Variants in DLC1 observed in about 807,000 individuals in gnomAD.
DLC1 encodes rho GTPase-activating protein 7.
In DLC1, 54 loss-of-function variants were observed where a neutral mutation model predicts 140.3. That is an observed-to-expected ratio of 0.38 (90% CI 0.31 to 0.48). The LOEUF (loss-of-function observed/expected upper bound fraction) is 0.48. Ranked by LOEUF, DLC1 falls within the 20% of genes least tolerant of loss-of-function variation. The probability of loss-of-function intolerance (pLI) is 0.96; values close to 1 mark genes in which losing one functional copy is unlikely to be tolerated. For missense variants in DLC1, 2,536 were observed against 1,907.0 expected, an observed-to-expected ratio of 1.33 and a Z score of -6.14; for synonymous variants, 986 against 728.1, an observed-to-expected ratio of 1.35 and a Z score of -5.70.
At chr8:13,225,259 A>C (rs1436679402) in intron 5 of DLC1, among the ~76,000 whole-genome samples, 2 of 152,216 alleles carry the variant, frequency 1.3e-5, no homozygotes, top group Non-Finnish European at 2.9e-5. Context: ...AAGTGGCCCC[A>C]AAACACTTTC....
intron 4 of DLC1, among the ~76,000 whole-genome samples, chr8:13,313,287 G>A (rs1429733666): frequency 6.6e-6 from 1 of 152,162 alleles, no homozygotes; most frequent in African/African-American, 2.4e-5. Context: ...TACCTACACA[G>A]TCTTTTGCTA....
At chr8:13,242,613 G>C (rs1350249602) in intron 5 of DLC1, among the ~76,000 whole-genome samples, 1 of 151,982 alleles carries the variant, frequency 6.6e-6, no homozygotes, top group Non-Finnish European at 1.5e-5. Flanking sequence ...GGCTGATCTT[G>C]AACTCCTGGG....
rs113503233 is a variant in DLC1 at position 13,393,762 on chromosome 8, C to T, written c.1174-69G>A. The T allele has an allele frequency of 6.7e-4, 1,038 of 1,541,778 alleles. 4 individuals carry two copies. The highest frequency in any genetic ancestry group is 6.9e-4 in the Middle Eastern group (3 of 4,320). On this transcript the variant is annotated intron_variant, in intron 3 of 17. Coordinates refer to ENST00000276297, the MANE Select transcript of DLC1 (RefSeq NM_182643.3). ...TCCCAAATGCCCTTCTTCCTACCAC[C>T]AGAACTTTGTCACTTCTTCTTTCTC...
chr8:13,524,709 G>GTT lies in DLC1; in HGVS notation c.-125-24515_-125-24514dup, dbSNP rs76587130. Among the ~76,000 whole-genome samples the GTT allele has an allele frequency of 4.1e-5, 6 of 147,414 alleles. No individual in the cohort carries two copies. The East Asian group carries it at 1.2e-3, about 29-fold the overall frequency. ...TTTTCAGGTAGTATATTTCTGTTGT[G>GTT]TTTTTTTTTTCATCTCTGAGCTCTT... is the stretch of plus-strand genomic sequence containing the variant. On this transcript the variant is annotated intron_variant, in intron 1 of 1. Transcript: ENST00000631382.
rs181670046 is a variant in DLC1 at position 13,448,818 on chromosome 8, C to A, written c.1024-47199G>T. Among the ~76,000 whole-genome samples the A allele has an allele frequency of 4.2e-4, 64 of 151,940 alleles. 1 individual carries two copies. Among genetic ancestry groups the A allele is most frequent in the Non-Finnish European group, 8.4e-4 (57 of 67,934 alleles). ...CACAGATTAGGTCATTTCTAATATA[C>A]GGCCACAAATGTGTTATACACTAGC... On this transcript the variant is annotated intron_variant, in intron 2 of 17. Transcript: ENST00000276297.
chr8:13,393,519 A>G (rs189873782), intron 4 of DLC1, 34 bp downstream of exon 4: 18 of 1,593,178 alleles, frequency 1.1e-5, no homozygotes, highest in Middle Eastern at 1.7e-4. Context: ...CAACATTTAC[A>G]CGTAGAGACT....
At chr8:13,110,603 G>A (rs183464869) in intron 7 of DLC1, 139 bp downstream of exon 7, 2 of 746,530 alleles carry the variant, frequency 2.7e-6, no homozygotes, top group African/African-American at 1.8e-5. Context: ...TTAATTAAAA[G>A]GTCTATGATC....
At chr8:13,574,994 G>A (rs920517310) in intron 1 of DLC1, among the ~76,000 whole-genome samples, 3 of 152,192 alleles carry the variant, frequency 2.0e-5, no homozygotes, top group African/African-American at 7.2e-5. Flanking sequence ...TTGCCTAAAA[G>A]TGACAGATGA....
intron 4 of DLC1, chr8:13,353,319 A>G (rs1277074091): frequency 6.6e-6 from 1 of 152,180 alleles, no homozygotes; most frequent in Non-Finnish European, 1.5e-5. Context: ...CCTCTGAGTC[A>G]GAAGGAGAAA....
At chr8:13,446,591 C>A (rs2116947122) in intron 2 of DLC1, among the ~76,000 whole-genome samples, 2 of 149,462 alleles carry the variant, frequency 1.3e-5, no homozygotes, top group Non-Finnish European at 1.5e-5. Context: ...GAGAAAGAAA[C>A]AAGGAAGGAA....
intron 2 of DLC1, among the ~76,000 whole-genome samples, chr8:13,445,449 G>A (rs1240312808): frequency 6.6e-6 from 1 of 152,144 alleles, no homozygotes; most frequent in Non-Finnish European, 1.5e-5. Context: ...GTCAGAGAAT[G>A]GAACAACAGC....
intron 2 of DLC1, among the ~76,000 whole-genome samples, chr8:13,432,463 G>A (rs188285814): frequency 3.9e-5 from 6 of 152,162 alleles, no homozygotes; most frequent in Admixed American, 1.3e-4. Flanking sequence ...TATTTTAATC[G>A]TACAATATTA....
chr8:13,110,866 C>T (rs1036322365), intron 6 of DLC1, 43 bp from the exon 7 acceptor site: 1 of 1,589,426 alleles, frequency 6.3e-7, no homozygotes, highest in Non-Finnish European at 8.6e-7. Flanking sequence ...GCGCCTAAAA[C>T]CCAATTTGCC....
At chr8:13,545,045 C>T (rs776804028) in intron 1 of DLC1, among the ~76,000 whole-genome samples, 1 of 151,900 alleles carries the variant, frequency 6.6e-6, no homozygotes, top group African/African-American at 2.4e-5. Context: ...ATATTTTCGT[C>T]GTATCCTCAG....
At chr8:13,123,794 AGC>A (rs1296478596) in intron 5 of DLC1, among the ~76,000 whole-genome samples, 2 of 152,356 alleles carry the variant, frequency 1.3e-5, no homozygotes, top group Admixed American at 1.3e-4. Flanking sequence ...CACCTACAAC[AGC>A]ACACAGTAGT....
chr8:13,506,581 GTA>G (rs36209609), intron 1 of DLC1, among the ~76,000 whole-genome samples: 1,436 of 131,066 alleles, frequency 0.011, 39 homozygotes, highest in Middle Eastern at 0.05. Context: ...GTGTGTGTGT[GTA>G]TATATATATA....
intron 5 of DLC1, among the ~76,000 whole-genome samples, chr8:13,288,173 T>C (rs1371008667): frequency 6.6e-6 from 1 of 152,222 alleles, no homozygotes; most frequent in African/African-American, 2.4e-5. Flanking sequence ...ATTAAAAGTT[T>C]GTTGTCAATA....
intron 2 of DLC1, among the ~76,000 whole-genome samples, chr8:13,439,292 C>G (rs1489269001): frequency 2.0e-5 from 3 of 151,942 alleles, no homozygotes; most frequent in African/African-American, 7.3e-5. Context: ...CCACTGCACT[C>G]CAGTCTGGGC....
intron 2 of DLC1, among the ~76,000 whole-genome samples, chr8:13,496,674 A>G (rs1801518913): frequency 6.6e-6 from 1 of 151,248 alleles, no homozygotes; most frequent in South Asian, 2.1e-4. Flanking sequence ...TTTCAGTACT[A>G]TATTATGAGC....
Sources: gnomAD v4.1 joint callset for allele counts (sites outside exome capture counted in the v4.1 genomes callset) on GRCh38, gnomAD v4.1.1 for gene constraint, MANE v1.5 for transcripts, NCBI Gene and HGNC (gene_info 2026-07-23, HGNC 2026-07-21) for gene names.